Variants in HDAC9 observed in about 807,000 individuals in gnomAD.
HDAC9 encodes the protein histone deacetylase 9.
HDAC9 carries 41 observed loss-of-function variants against 139.4 expected under a neutral mutation model. The observed-to-expected ratio is 0.29, with a 90% CI of 0.23 to 0.38. HDAC9 has a LOEUF of 0.38. Ranked by LOEUF, HDAC9 falls within the 10% of genes least tolerant of loss-of-function variation. HDAC9 has a pLI of 1.00. For synonymous variants in HDAC9, 517 were observed against 476.2 expected (o/e 1.09, Z -1.12); for missense variants, 1,147 against 1,297.0 (o/e 0.88, Z 1.78).
chr7:18,421,424 A>G (rs1398416211), intron 1 of HDAC9, among the ~76,000 whole-genome samples: 7 of 151,568 alleles, frequency 4.6e-5, no homozygotes, highest in African/African-American at 1.5e-4. Flanking sequence ...AAGGAAAGGA[A>G]AGGAAGGAAA....
At chr7:18,801,700 A>G (rs1158152561) in intron 17 of HDAC9, among the ~76,000 whole-genome samples, 1 of 152,098 alleles carries the variant, frequency 6.6e-6, no homozygotes, top group East Asian at 1.9e-4. Context: ...CTAAAGTCAC[A>G]GAGCCTTGTT....
intron 2 of HDAC9, among the ~76,000 whole-genome samples, chr7:18,561,483 A>G (rs1260606405): frequency 6.6e-6 from 1 of 152,200 alleles, no homozygotes; most frequent in Non-Finnish European, 1.5e-5. Flanking sequence ...AAAATGTACA[A>G]TTGAGTATAT....
At chr7:18,669,831 A>AT (rs1449947127) in intron 12 of HDAC9, among the ~76,000 whole-genome samples, 2 of 151,754 alleles carry the variant, frequency 1.3e-5, no homozygotes, top group African/African-American at 2.4e-5. Context: ...TAATCATTAG[A>AT]TTTTTTTTCT....
intron 2 of HDAC9, among the ~76,000 whole-genome samples, chr7:18,562,116 C>G (rs780093541): frequency 7.9e-5 from 12 of 152,068 alleles, no homozygotes; most frequent in Non-Finnish European, 1.5e-4. Context: ...GACTTATTGG[C>G]TATTTGTATA....
At chr7:18,753,930 G>A (rs1344691665) in intron 14 of HDAC9, among the ~76,000 whole-genome samples, 2 of 152,032 alleles carry the variant, frequency 1.3e-5, no homozygotes, top group Non-Finnish European at 2.9e-5. Flanking sequence ...CACTCTCTTT[G>A]GTTAAGAGTA....
intron 2 of HDAC9, among the ~76,000 whole-genome samples, chr7:18,267,490 A>G (rs1175894927): frequency 1.3e-5 from 2 of 151,952 alleles, no homozygotes; most frequent in Non-Finnish European, 2.9e-5. Context: ...TCTACTCTCT[A>G]CTTCTATGAG....
intron 21 of HDAC9, among the ~76,000 whole-genome samples, chr7:18,862,133 C>T (rs1054565135): frequency 2.6e-5 from 4 of 152,126 alleles, no homozygotes; most frequent in African/African-American, 9.7e-5. Context: ...TAGGGTCTAG[C>T]GTCATCAAAG....
intron 1 of HDAC9, among the ~76,000 whole-genome samples, chr7:18,459,623 G>A (rs565263433): frequency 6.6e-6 from 1 of 152,156 alleles, no homozygotes; most frequent in South Asian, 2.1e-4. Context: ...TGCCTGGGGT[G>A]ATGATTTAAT....
chr7:18,921,678 T>C (rs573210949), intron 22 of HDAC9, among the ~76,000 whole-genome samples: 55 of 152,188 alleles, frequency 3.6e-4, no homozygotes, highest in African/African-American at 1.1e-3. Context: ...GGCAATTCCT[T>C]AGGGATCTAG....
intron 1 of HDAC9, among the ~76,000 whole-genome samples, chr7:18,105,679 A>G (rs1392291962): frequency 6.6e-6 from 1 of 151,718 alleles, no homozygotes; most frequent in Non-Finnish European, 1.5e-5. Context: ...TCAGAAAACA[A>G]TTTTGGTAGT....
At chr7:18,952,545 A>G (rs1782872232) in intron 23 of HDAC9, among the ~76,000 whole-genome samples, 1 of 151,964 alleles carries the variant, frequency 6.6e-6, no homozygotes, top group African/African-American at 2.4e-5. Context: ...AATCTACCTG[A>G]TTTCTATTAA....
At chr7:18,161,379 C>A (rs890517960) in intron 1 of HDAC9, among the ~76,000 whole-genome samples, 1 of 152,104 alleles carries the variant, frequency 6.6e-6, no homozygotes, top group African/African-American at 2.4e-5. Context: ...ACGTTGGATT[C>A]TGAAGATAAA....
At chr7:18,666,573 C>T (rs1249430020) in intron 12 of HDAC9, 97 bp downstream of exon 12, 3 of 1,514,828 alleles carry the variant, frequency 2.0e-6, no homozygotes, top group Non-Finnish European at 2.7e-6. Flanking sequence ...GATTTCCTAT[C>T]AGTTTATATT....
At chr7:18,582,231 T>G (rs1828044725) in intron 2 of HDAC9, among the ~76,000 whole-genome samples, 1 of 152,206 alleles carries the variant, frequency 6.6e-6, no homozygotes, top group Non-Finnish European at 1.5e-5. Context: ...AGTTAGTTAC[T>G]TATAGTAATA....
At chr7:18,164,532 C>T (rs905559880) in intron 2 of HDAC9, among the ~76,000 whole-genome samples, 1 of 152,164 alleles carries the variant, frequency 6.6e-6, no homozygotes, top group African/African-American at 2.4e-5. Flanking sequence ...AAAATAGACT[C>T]ACTTCAGTAG....
chr7:18,675,850 A>AT (rs755377356), intron 12 of HDAC9, among the ~76,000 whole-genome samples: 22 of 151,922 alleles, frequency 1.4e-4, no homozygotes, highest in African/African-American at 1.9e-4. Context: ...CTGTGAGTAC[A>AT]TTACTCCTCT....
At chr7:18,732,644 T>C (rs919868536) in intron 13 of HDAC9, among the ~76,000 whole-genome samples, 1 of 120,440 alleles carries the variant, frequency 8.3e-6, no homozygotes, top group African/African-American at 3.8e-5. Context: ...TGTGTGCATA[T>C]GTGTATATAT....
At chr7:18,640,012 C>A (rs1293827733) in intron 8 of HDAC9, among the ~76,000 whole-genome samples, 1 of 151,902 alleles carries the variant, frequency 6.6e-6, no homozygotes, top group Non-Finnish European at 1.5e-5. Flanking sequence ...TATATTTTTT[C>A]TTTTTCTGAT....
rs184843377 is a variant in HDAC9 at position 18,480,495 on chromosome 7, A to G, written c.-41-15767A>G. Among the ~76,000 whole-genome samples the G allele has an allele frequency of 2.6e-4, 39 of 152,272 alleles. No individual in the cohort carries two copies. In the East Asian group the frequency reaches 6.6e-3, roughly 26 times the overall value. On this transcript the variant is annotated intron_variant, in intron 1 of 3. Coordinates refer to the HDAC9 transcript ENST00000413509. ...GGCCATAGAGCAACTGCTGTGCCAG[A>G]AAGTTTGTAGGGAGGGAGAGTGGTT...
Sources: allele counts gnomAD v4.1 joint callset (sites outside exome capture counted in the v4.1 genomes callset), GRCh38; gene constraint gnomAD v4.1.1; transcripts MANE v1.5; gene names NCBI Gene and HGNC (gene_info 2026-07-23, HGNC 2026-07-21).